ZNF407: variants seen among roughly 807,000 people sequenced by gnomAD.
ZNF407 encodes zinc finger protein 407.
In ZNF407, 17 loss-of-function variants were observed where a neutral mutation model predicts 131.2. The observed-to-expected ratio is 0.13, with a 90% CI of 0.09 to 0.19. The LOEUF is 0.19. ZNF407 is among the 10% of genes least tolerant of loss of function. The probability of loss-of-function intolerance (pLI) is 1.00; values close to 1 mark genes in which losing one functional copy is unlikely to be tolerated. For synonymous variants in ZNF407, 1,156 were observed against 1,062.0 expected (o/e 1.09, Z -1.72); for missense variants, 2,681 against 2,830.6 (o/e 0.95, Z 1.20).
At chr18:75,042,107 C>G (rs1403213817) in intron 8 of ZNF407, among the ~76,000 whole-genome samples, 2 of 150,594 alleles carry the variant, frequency 1.3e-5, no homozygotes, top group Admixed American at 1.3e-4. Context: ...CACTATGTTG[C>G]CCCAGCTAAT....
chr18:74,713,234 C>T lies in ZNF407; in HGVS notation c.4803-68194C>T, dbSNP rs187313101. Reference sequence around the variant, plus strand: ...CCAGGGGTTTGGAATAAAGGAACTCCAAGACTCCTCCAATCTTTAAAATAA... The same window carrying T: ...CCAGGGGTTTGGAATAAAGGAACTCTAAGACTCCTCCAATCTTTAAAATAA... On this transcript the variant is annotated intron_variant, in intron 3 of 8. Coordinates refer to ENST00000299687, the MANE Select transcript of ZNF407 (RefSeq NM_017757.3). Among the ~76,000 whole-genome samples, 4 of 152,098 alleles carry T rather than the reference C, an allele frequency of 2.6e-5. No individual in the cohort carries two copies. In the East Asian group the frequency reaches 5.8e-4, roughly 22 times the overall value.
At chr18:74,804,875 C>T (rs544736750) in intron 4 of ZNF407, among the ~76,000 whole-genome samples, 4 of 152,290 alleles carry the variant, frequency 2.6e-5, no homozygotes, top group East Asian at 1.9e-4. Flanking sequence ...ACCACCCTGC[C>T]GAGGATCTGG....
At position 74,865,501 on chromosome 18, in the gene ZNF407, T is replaced by G. The variant is rs145710895; in HGVS notation, c.4878-11696T>G. Among the ~76,000 whole-genome samples the G allele has an allele frequency of 6.4e-3, 975 of 152,286 alleles. 3 individuals carry two copies. Among genetic ancestry groups the G allele is most frequent in the Non-Finnish European group, 9.8e-3 (667 of 68,010 alleles). Reference sequence around the variant, plus strand: ...CCAAATATAAATATATTTTATCACCTACATCCTTCCAGTCAGTTTTGATTA... The same window carrying G: ...CCAAATATAAATATATTTTATCACCGACATCCTTCCAGTCAGTTTTGATTA... On this transcript the variant is annotated intron_variant, in intron 4 of 8. Coordinates refer to ENST00000299687, the MANE Select transcript of ZNF407 (RefSeq NM_017757.3).
intron 8 of ZNF407, among the ~76,000 whole-genome samples, chr18:74,983,528 T>G (rs758150236): frequency 2.0e-5 from 3 of 152,186 alleles, no homozygotes; most frequent in Admixed American, 2.0e-4. Context: ...TAGTGGCTAG[T>G]ATTGTTGCTT....
intron 8 of ZNF407, among the ~76,000 whole-genome samples, chr18:74,941,764 T>G (rs1972101835): frequency 1.3e-5 from 2 of 152,212 alleles, no homozygotes; most frequent in Admixed American, 6.5e-5. Context: ...ATACTTAGCT[T>G]TGAGGCTGAA....
chr18:74,813,641 TGACCTGGAA>T (rs1336352411), intron 4 of ZNF407, among the ~76,000 whole-genome samples: 1 of 152,166 alleles, frequency 6.6e-6, no homozygotes, highest in Non-Finnish European at 1.5e-5. Context: ...GATGTGTGGC[TGACCTGGAA>T]TCACCAAGTA....
At chr18:74,738,968 A>G (rs938994796) in intron 3 of ZNF407, among the ~76,000 whole-genome samples, 1 of 152,208 alleles carries the variant, frequency 6.6e-6, no homozygotes, top group Non-Finnish European at 1.5e-5. Context: ...ACTTGATTAA[A>G]AAATAAGTGG....
At chr18:74,725,315 AAC>A (rs1346389009) in intron 3 of ZNF407, among the ~76,000 whole-genome samples, 1 of 152,144 alleles carries the variant, frequency 6.6e-6, no homozygotes, top group Non-Finnish European at 1.5e-5. Flanking sequence ...TAAACATAAA[AAC>A]AGTTTCTAGA....
At chr18:74,663,078 A>C in intron 3 of ZNF407, among the ~76,000 whole-genome samples, 1 of 152,152 alleles carries the variant, frequency 6.6e-6, no homozygotes, top group Non-Finnish European at 1.5e-5. Context: ...TTTTTGTATC[A>C]CCTGTGCCCA....
chr18:74,785,821 T>C (rs1454625307), intron 4 of ZNF407, among the ~76,000 whole-genome samples: 1 of 149,298 alleles, frequency 6.7e-6, no homozygotes, highest in East Asian at 1.9e-4. Context: ...GTACATGGCA[T>C]GCACATGTCA....
chr18:75,002,791 C>G (rs992795642), intron 8 of ZNF407, among the ~76,000 whole-genome samples: 1 of 120,470 alleles, frequency 8.3e-6, no homozygotes, highest in Non-Finnish European at 1.7e-5. Context: ...GGCAACAGAG[C>G]GAGACTCCGG....
Position 74,654,301 on chromosome 18 carries a change from C to T in ZNF407, c.4802+13179C>T, listed in dbSNP as rs114804181. 6.4e-3 allele frequency among the ~76,000 whole-genome samples: 971 copies of T among 151,868 alleles called. 12 individuals are homozygous for T. Among genetic ancestry groups the T allele is most frequent in the African/African-American group, 0.022 (912 of 41,508 alleles). On this transcript the variant is annotated intron_variant, in intron 3 of 8. Coordinates refer to ENST00000299687, the MANE Select transcript of ZNF407 (RefSeq NM_017757.3). ...CTGATTAAGGCAGTAAACATGGCAG[C>T]ACCTCTGGCATTTAAGTAGAATTAT...
intron 3 of ZNF407, among the ~76,000 whole-genome samples, chr18:74,763,935 G>A (rs568298538): frequency 1.1e-4 from 17 of 151,328 alleles, no homozygotes; most frequent in African/African-American, 4.1e-4. Context: ...GGATGGTCTC[G>A]ATCTCCTGAC....
intron 4 of ZNF407, among the ~76,000 whole-genome samples, chr18:74,872,529 C>T (rs976247308): frequency 5.9e-5 from 9 of 151,806 alleles, no homozygotes; most frequent in South Asian, 2.1e-4. Context: ...TTTGGGAGGC[C>T]GAGGCAGGCA....
At chr18:74,908,715 C>T (rs537776017) in intron 7 of ZNF407, among the ~76,000 whole-genome samples, 3 of 152,086 alleles carry the variant, frequency 2.0e-5, no homozygotes, top group Non-Finnish European at 4.4e-5. Flanking sequence ...TTAGTGAGAA[C>T]ATAAGTTATA....
At chr18:74,603,539 G>A (rs956534266) in intron 1 of ZNF407, among the ~76,000 whole-genome samples, 1 of 152,200 alleles carries the variant, frequency 6.6e-6, no homozygotes, top group Non-Finnish European at 1.5e-5. Context: ...GGCAGGCCAC[G>A]TAATCAGTAC....
At chr18:74,820,969 G>A (rs1032594840) in intron 4 of ZNF407, among the ~76,000 whole-genome samples, 3 of 152,066 alleles carry the variant, frequency 2.0e-5, no homozygotes, top group South Asian at 2.1e-4. Flanking sequence ...AGCACCAGTC[G>A]TAGGCAGAAG....
At chr18:74,881,340 C>A (rs1014662696) in intron 6 of ZNF407, among the ~76,000 whole-genome samples, 2 of 151,988 alleles carry the variant, frequency 1.3e-5, no homozygotes, top group African/African-American at 4.8e-5. Context: ...AAGCAGGTAC[C>A]CTCAGTAAAT....
rs766771723 is a variant in ZNF407, at chr18:74,631,439, T to C, written c.420T>C (p.Ile140=). ...ALSPSCNFST[I]DVVSLKTDTE... ...CCCCTTCTTGCAATTTTAGCACTAT[T>C]GATGTTGTTTCTCTGAAAACAGACA... The change falls in exon 2 of 9, where the codon ATT becomes ATC. Residue 140 remains isoleucine, a synonymous_variant. Transcript: ENST00000299687. The C allele has an allele frequency of 1.9e-6, 3 of 1,614,034 alleles. No homozygotes were observed. Among genetic ancestry groups the C allele is most frequent in the Non-Finnish European group, 2.5e-6 (3 of 1,179,894 alleles).
Sources: allele counts gnomAD v4.1 joint callset (sites outside exome capture counted in the v4.1 genomes callset), GRCh38; gene constraint gnomAD v4.1.1; transcripts MANE v1.5; gene names NCBI Gene and HGNC (gene_info 2026-07-23, HGNC 2026-07-21).